Variants in RGS9 observed in about 807,000 individuals in gnomAD.
The protein encoded by RGS9 is regulator of G-protein signalling 9.
Under a neutral mutation model 102.0 loss-of-function variants are expected in RGS9, and 78 were observed. The observed-to-expected ratio is 0.76, with a 90% CI of 0.64 to 0.92. The LOEUF (loss-of-function observed/expected upper bound fraction) is 0.92. RGS9 is among the 40% of genes least tolerant of loss of function. The probability of loss-of-function intolerance (pLI) is 0.00; values close to 1 mark genes in which losing one functional copy is unlikely to be tolerated. For synonymous variants in RGS9, 353 were observed against 318.6 expected, an observed-to-expected ratio of 1.11 and a Z score of -1.15; for missense variants, 833 against 866.1, an observed-to-expected ratio of 0.96 and a Z score of 0.48.
At chr17:65,166,302 G>C (rs1038537492) in intron 7 of RGS9, among the ~76,000 whole-genome samples, 3 of 152,228 alleles carry the variant, frequency 2.0e-5, no homozygotes, top group Non-Finnish European at 4.4e-5. Context: ...AATGGAAAGA[G>C]TGTCAAAGAA....
chr17:65,174,592 T>C (rs530912854), intron 8 of RGS9, among the ~76,000 whole-genome samples: 1 of 150,994 alleles, frequency 6.6e-6, no homozygotes, highest in East Asian at 1.9e-4. Context: ...TATGTATATG[T>C]GAGTGTGCCT....
chr17:65,197,314 G>A (rs1912634715), intron 13 of RGS9, 73 bp downstream of exon 13: 1 of 1,009,744 alleles, frequency 9.9e-7, no homozygotes. Context: ...CTAGCCTAGG[G>A]TTTGGGGAAT....
At chr17:65,153,957 T>G (rs1910679311) in intron 2 of RGS9, among the ~76,000 whole-genome samples, 1 of 152,164 alleles carries the variant, frequency 6.6e-6, no homozygotes, top group African/African-American at 2.4e-5. Context: ...CATATCCATG[T>G]TCACTCATTT....
chr17:65,160,592 A>G lies in RGS9; in HGVS notation c.364+5A>G, dbSNP rs1910944171. On this transcript the variant is annotated splice_donor_5th_base_variant and intron_variant, in intron 5 of 18. Transcript: ENST00000262406. ...CAGCTGAAGATACCGATTACGGTAA[A>G]TACTTCAGCCCCAACTATGCCTTTG... 1.2e-6 allele frequency: 2 copies of G among 1,614,012 alleles called. No homozygotes were observed. Among genetic ancestry groups the G allele is most frequent in the East Asian group, 2.2e-5 (1 of 44,886 alleles).
chr17:65,149,493 A>G (rs930175446), intron 1 of RGS9, among the ~76,000 whole-genome samples: 3 of 152,160 alleles, frequency 2.0e-5, no homozygotes, highest in African/African-American at 7.2e-5. Flanking sequence ...GTATCCTTGC[A>G]GTGCAGGGTT....
chr17:65,166,626 C>T (rs941487299), intron 7 of RGS9, among the ~76,000 whole-genome samples: 13 of 152,168 alleles, frequency 8.5e-5, no homozygotes, highest in African/African-American at 2.9e-4. Context: ...TCTTGCATTC[C>T]ATTTATCATG....
At position 65,144,051 on chromosome 17, in the gene RGS9, GA is replaced by G. The variant is rs538814503; in HGVS notation, c.57+6457del. Among the ~76,000 whole-genome samples the G allele has an allele frequency of 2.5e-3, 386 of 152,282 alleles. 3 individuals are homozygous for G. Among genetic ancestry groups the G allele is most frequent in the African/African-American group, 8.9e-3 (371 of 41,552 alleles). ...ATCGGTGGGAAGAGCAGATTTTGGA[GA>G]AAGACTACCGAGCACTGGTTAGGGC... On this transcript the variant is annotated intron_variant, in intron 1 of 18. Coordinates refer to ENST00000262406, the MANE Select transcript of RGS9 (RefSeq NM_003835.4).
At chr17:65,189,096 G>A (rs11658773) in intron 9 of RGS9, 190 bp from the exon 10 acceptor site, 124,316 of 611,284 alleles carry the variant, frequency 0.2, 17,934 homozygotes, top group African/African-American at 0.59. Context: ...AAAATCTCTT[G>A]CTTGGTATTT....
intron 11 of RGS9, among the ~76,000 whole-genome samples, chr17:65,192,528 G>A (rs983035349): frequency 4.6e-5 from 7 of 151,896 alleles, no homozygotes; most frequent in Non-Finnish European, 1.0e-4. Context: ...GTGGGAGGAC[G>A]GCTTGAGCTG....
At chr17:65,170,963 C>T (rs1162358714) in intron 8 of RGS9, among the ~76,000 whole-genome samples, 1 of 152,178 alleles carries the variant, frequency 6.6e-6, no homozygotes, top group Non-Finnish European at 1.5e-5. Context: ...AGCAATCTGA[C>T]TGACAGGCTC....
At chr17:65,142,120 T>A (rs1258367315) in intron 1 of RGS9, among the ~76,000 whole-genome samples, 1 of 152,196 alleles carries the variant, frequency 6.6e-6, no homozygotes, top group Non-Finnish European at 1.5e-5. Context: ...GGCATGCGCC[T>A]GTAATCCTAG....
intron 3 of RGS9, among the ~76,000 whole-genome samples, chr17:65,159,974 A>G (rs1910914579): frequency 6.6e-6 from 1 of 152,166 alleles, no homozygotes; most frequent in African/African-American, 2.4e-5. Context: ...TTCTGTTAAC[A>G]TCCAGATTTC....
At position 65,227,587 on chromosome 17, in the gene RGS9, C is replaced by A; in HGVS notation, c.*180C>A. ...AATGCTCTGGCTGGTTACCAGGGGC[C>A]AACTCCTTCTCCTCTTCCTGACCCT... is the stretch of plus-strand genomic sequence containing the variant. On this transcript the variant is annotated 3_prime_UTR_variant, in exon 19 of 19. Coordinates refer to ENST00000262406, the MANE Select transcript of RGS9 (RefSeq NM_003835.4). 2 of 806,026 alleles carry A rather than the reference C, an allele frequency of 2.5e-6. No individual in the cohort carries two copies. The highest frequency in any genetic ancestry group is 4.0e-6 in the Non-Finnish European group (2 of 501,368). 49.9% of individuals were successfully genotyped at this position (806,026 alleles called of 1,614,324 possible).
chr17:65,144,628 T>C (rs1156749019), intron 1 of RGS9, among the ~76,000 whole-genome samples: 1 of 151,934 alleles, frequency 6.6e-6, no homozygotes, highest in African/African-American at 2.4e-5. Flanking sequence ...GGAGTGAGAG[T>C]GTTGGCCTTT....
intron 14 of RGS9, among the ~76,000 whole-genome samples, chr17:65,203,283 G>T (rs1466236798): frequency 6.6e-6 from 1 of 152,130 alleles, no homozygotes; most frequent in Non-Finnish European, 1.5e-5. Context: ...GGGGGTGCGG[G>T]TGGGGTGCAG....
intron 2 of RGS9, among the ~76,000 whole-genome samples, chr17:65,157,710 A>G: frequency 6.6e-6 from 1 of 152,020 alleles, no homozygotes; most frequent in East Asian, 1.9e-4. Context: ...ACCCTGACAA[A>G]AGTACCTTCA....
intron 1 of RGS9, among the ~76,000 whole-genome samples, chr17:65,144,577 A>T (rs1465737472): frequency 6.6e-6 from 1 of 152,156 alleles, no homozygotes; most frequent in East Asian, 1.9e-4. Flanking sequence ...AGCGGGGCTG[A>T]TGCTTTGTCT....
chr17:65,179,682 T>TGTGTGTGTGTG (rs1911784767), intron 9 of RGS9, among the ~76,000 whole-genome samples: 1 of 125,484 alleles, frequency 8.0e-6, no homozygotes, highest in African/African-American at 3.2e-5. Context: ...TGTGTGTGTG[T>TGTGTGTGTGTG]TGGGGGTGGT....
chr17:65,175,124 AGT>A (rs981151397), intron 8 of RGS9, among the ~76,000 whole-genome samples: 38 of 150,752 alleles, frequency 2.5e-4, no homozygotes, highest in African/African-American at 8.3e-4. Context: ...TGTGTATGTG[AGT>A]GTGTGTGAGT....
Sources: gnomAD v4.1 joint callset for allele counts (sites outside exome capture counted in the v4.1 genomes callset) on GRCh38, gnomAD v4.1.1 for gene constraint, MANE v1.5 for transcripts, NCBI Gene and HGNC (gene_info 2026-07-23, HGNC 2026-07-21) for gene names.